Variants in PRPF40B observed in about 807,000 individuals in gnomAD.
PRPF40B encodes the protein pre-mRNA-processing factor 40 homolog B.
PRPF40B carries 56 observed loss-of-function variants against 124.5 expected under a neutral mutation model. The ratio of observed to expected loss-of-function variants is 0.45; its 90% CI spans 0.36 to 0.56. PRPF40B has a LOEUF of 0.56. Ranked by LOEUF, PRPF40B falls within the 20% of genes least tolerant of loss-of-function variation. The probability of loss-of-function intolerance (pLI) is 0.00; values close to 1 mark genes in which losing one functional copy is unlikely to be tolerated. For synonymous variants in PRPF40B, 443 were observed against 426.4 expected (o/e 1.04, Z -0.48); for missense variants, 1,053 against 1,169.5 (o/e 0.90, Z 1.45).
chr12:49,639,485 G>GAGA (rs1271392872), intron 18 of PRPF40B: 1 of 152,376 alleles, frequency 6.6e-6, no homozygotes, highest in Non-Finnish European at 1.5e-5. Context: ...GACAGCAGAA[G>GAGA]AGAGCAGGCT....
intron 6 of PRPF40B, 40 bp downstream of exon 6, chr12:49,632,920 TGA>T (rs771622936): frequency 6.2e-7 from 1 of 1,612,828 alleles, no homozygotes; most frequent in South Asian, 1.1e-5. Flanking sequence ...GTAGAAAGCC[TGA>T]GAGTGGGGGA....
chr12:49,643,150 C>T, intron 22 of PRPF40B, 73 bp from the exon 23 acceptor site: 2 of 1,596,202 alleles, frequency 1.3e-6, no homozygotes, highest in Non-Finnish European at 1.7e-6. Flanking sequence ...CTCCTCCTCT[C>T]TCGAATTCCC....
At chr12:49,623,331 C>G (rs147118019), upstream of PRPF40B, 1 of 180,130 alleles carries the variant, frequency 5.6e-6, no homozygotes, top group African/African-American at 2.4e-5. Flanking sequence ...CGGGAGCAGG[C>G]GTGCCCCGCC....
Position 49,634,293 on chromosome 12 carries a change from G to C in PRPF40B, c.813-39G>C, listed in dbSNP as rs780476896. On this transcript the variant is annotated intron_variant, in intron 10 of 25. Coordinates refer to ENST00000548825, the MANE Select transcript of PRPF40B (RefSeq NM_001031698.3). ...GTTCAGGGCACTGAAAGCTGTGAGA[G>C]CTGGGGGACCCTGTGGCTGAGTCCC... 15 of 1,613,640 alleles carry C rather than the reference G, an allele frequency of 9.3e-6. No individual in the cohort carries two copies. In the African/African-American group the frequency reaches 2.0e-4, roughly 22 times the overall value.
At chr12:49,636,413 A>G in intron 15 of PRPF40B, 1 of 449,462 alleles carries the variant, frequency 2.2e-6, no homozygotes, top group Non-Finnish European at 4.0e-6. Flanking sequence ...AGCCTGATTG[A>G]TTCCCAGTTC....
At position 49,637,808 on chromosome 12, in the gene PRPF40B, T is replaced by C; in HGVS notation, c.1751T>C (p.Ile584Thr). 2.5e-6 allele frequency: 4 copies of C among 1,604,008 alleles called. No individual in the cohort carries two copies. In the South Asian group the frequency reaches 4.4e-5, roughly 18 times the overall value. Residue 584 changes from isoleucine (I) to threonine (T), a missense_variant, in exon 18 of 26, where the codon ATT becomes ACT. Around this residue, in one of 2 missense-constraint regions of PRPF40B, gnomAD observed 895 missense variants for 1,052.2 expected, o/e 0.85. Transcript: ENST00000548825. Reference sequence around the variant, plus strand: ...CGATTCCATGATGAAAAGAAGATCATTAAGGACATCCTTAAGGTGAGGGAG... The same window carrying C: ...CGATTCCATGATGAAAAGAAGATCACTAAGGACATCCTTAAGGTGAGGGAG... ...KARFHDEKKIIKDILKDRGFC... is the reference protein window; with the variant it reads ...KARFHDEKKITKDILKDRGFC...
At position 49,631,485 on chromosome 12, in the gene PRPF40B, C is replaced by G. The variant is rs1941219790; in HGVS notation, c.169C>G (p.Pro57Ala). The G allele has an allele frequency of 6.5e-7, 1 of 1,538,138 alleles. No individual in the cohort carries two copies. Among genetic ancestry groups the G allele is most frequent in the Non-Finnish European group, 8.7e-7 (1 of 1,148,018 alleles). The change falls in exon 3 of 26, where the codon CCA (proline) becomes GCA (alanine). Residue 57 changes from proline (P) to alanine (A), a missense_variant. By Grantham distance (27) the Pro-to-Ala change is conservative (BLOSUM62 -1). Coordinates refer to ENST00000548825, the MANE Select transcript of PRPF40B (RefSeq NM_001031698.3). This position sits in a 1 kb window ranked among gnomAD's most constrained non-coding sequence, Gnocchi z 4.3. ...SQRPPAIPPM[P>A]PGILPPMLPP... ...GAGACCACCAGCTATCCCCCCCATGCCACCTGGCATCCTGCCCCCAATGCT... is the reference window on the plus strand; with the variant it reads ...GAGACCACCAGCTATCCCCCCCATGGCACCTGGCATCCTGCCCCCAATGCT...
At chr12:49,633,765 G>T in intron 9 of PRPF40B, 104 bp downstream of exon 9, 1 of 1,605,594 alleles carries the variant, frequency 6.2e-7, no homozygotes, top group Non-Finnish European at 8.5e-7. Context: ...AGCCAGCTCT[G>T]TCTCCTTGTG....
rs757596785 is a variant in PRPF40B at position 49,632,851 on chromosome 12, C to T, written c.323-4C>T. 15 of 1,613,888 alleles carry T rather than the reference C, an allele frequency of 9.3e-6. No homozygotes were observed. Among genetic ancestry groups the T allele is most frequent in the Non-Finnish European group, 1.3e-5 (15 of 1,180,018 alleles). ...TTAGTATGTATCCTTTGGCTTTTTT[C>T]TAGCTGCTGTGGCTGGGACAGGCCC... On this transcript the variant is annotated splice_region_variant and splice_polypyrimidine_tract_variant and intron_variant, in intron 5 of 25. Transcript: ENST00000548825.
intron 1 of PRPF40B, among the ~76,000 whole-genome samples, chr12:49,626,883 G>A (rs932523296): frequency 6.6e-6 from 1 of 152,130 alleles, no homozygotes; most frequent in Non-Finnish European, 1.5e-5. Flanking sequence ...AACCAGTGGT[G>A]GCTCCTTGGA....
chr12:49,632,836 T>C lies in PRPF40B; in HGVS notation c.323-19T>C. ...GGTCGGAGCAAGGACTTAGTATGTA[T>C]CCTTTGGCTTTTTTCTAGCTGCTGT... On this transcript the variant is annotated intron_variant, in intron 5 of 25. Coordinates refer to ENST00000548825, the MANE Select transcript of PRPF40B (RefSeq NM_001031698.3). 1 of 1,613,888 alleles carries C rather than the reference T, an allele frequency of 6.2e-7. No homozygotes were observed. The highest frequency in any genetic ancestry group is 8.5e-7 in the Non-Finnish European group (1 of 1,180,008).
chr12:49,632,996 G>GGGGGGGCGCC lies in PRPF40B; in HGVS notation c.349-18_349-17insGGGGGGCGCC. 1 of 1,147,398 alleles carries GGGGGGGCGCC rather than the reference G, an allele frequency of 8.7e-7. No homozygotes were observed. Among genetic ancestry groups the GGGGGGGCGCC allele is most frequent in the Non-Finnish European group, 1.2e-6 (1 of 823,012 alleles). The allele number at this position is 1,147,398 out of a possible 1,614,324, so 71.1% of individuals were successfully genotyped here. A position where few individuals can be genotyped will look rare whatever the true frequency, so the allele number is the denominator to read the frequency against. On this transcript the variant is annotated splice_polypyrimidine_tract_variant and intron_variant, in intron 6 of 25. Transcript: ENST00000548825. ...AAAGGGGCCTTGACCACCATTCTGT[G>GGGGGGGCGCC]CCCCCCCCCCCACCCAGAGGGCCCT...
In PRPF40B at chr12:49,642,788, G is replaced by C. The variant is rs988199654; in HGVS notation, c.2118+113G>C. ...CCTTAGGGCACTCCTGGCCAGCTAA[G>C]GAAGGGGAGGCCTGAGGATCCCTGG... On this transcript the variant is annotated intron_variant, in intron 21 of 25. Transcript: ENST00000548825. This position sits in a 1 kb window ranked among gnomAD's most constrained non-coding sequence, Gnocchi z 5.8. 127 of 1,433,382 alleles carry C rather than the reference G, an allele frequency of 8.9e-5. No homozygotes were observed. In the African/African-American group the frequency reaches 1.6e-3, roughly 18 times the overall value. 88.8% of individuals were successfully genotyped at this position (1,433,382 alleles called of 1,614,324 possible).
Position 49,643,043 on chromosome 12 carries a change from G to A in PRPF40B, c.2205+27G>A, listed in dbSNP as rs748856142. 6.8e-6 allele frequency: 11 copies of A among 1,608,898 alleles called. No individual in the cohort carries two copies. In the South Asian group the frequency reaches 1.2e-4, roughly 18 times the overall value. ...TGAGTAAGCGTGTAGAAGGGACATG[G>A]GGTGAAGCTGGGTTGTTTTGGGGAA... On this transcript the variant is annotated intron_variant, in intron 22 of 25. Coordinates refer to ENST00000548825, the MANE Select transcript of PRPF40B (RefSeq NM_001031698.3).
intron 18 of PRPF40B, chr12:49,640,489 C>T (rs1227578830): frequency 6.6e-6 from 1 of 152,162 alleles, no homozygotes; most frequent in Non-Finnish European, 1.5e-5. Context: ...TGAGTGAGGA[C>T]AAAGAAGGCG....
rs763331805 is a variant in PRPF40B at position 49,633,903 on chromosome 12, T to TGCCACAGACACTTCA, written c.631_645dup (p.Thr211_Gln215dup). On this transcript the variant is annotated inframe_insertion, in exon 10 of 26. Coordinates refer to ENST00000548825, the MANE Select transcript of PRPF40B (RefSeq NM_001031698.3). The stretch of plus-strand genomic sequence containing the variant: ...ATCTGCAGGAAACAGCAGCAGCAGC[T>TGCCACAGACACTTCA]GCCACAGACACTTCAGCCACAGCCA... 2 of 1,614,106 alleles carry TGCCACAGACACTTCA rather than the reference T, an allele frequency of 1.2e-6. No individual in the cohort carries two copies. Among genetic ancestry groups the TGCCACAGACACTTCA allele is most frequent in the Non-Finnish European group, 1.7e-6 (2 of 1,180,006 alleles).
At chr12:49,638,134 A>C (rs900323951) in intron 18 of PRPF40B, 1 of 344,014 alleles carries the variant, frequency 2.9e-6, no homozygotes, top group Non-Finnish European at 5.4e-6. Flanking sequence ...AAGAGGTTGG[A>C]GTGTACACGG....
In PRPF40B at chr12:49,634,391, C is replaced by A. The variant is rs1306879982; in HGVS notation, c.872C>A (p.Ser291Tyr). ...GAATCAAAGCCAGAACCAGAGAGGT[C>A]TGGCCTCAGTTGGAGCAACCGGGAG... Reference protein sequence around the residue: ...EEESKPEPERSGLSWSNREKA... With the variant: ...EEESKPEPERYGLSWSNREKA... Residue 291 changes from serine to tyrosine, a missense_variant, in exon 11 of 26, where the codon TCT becomes TAT. Ser to Tyr is a moderately radical substitution (Grantham distance 144). Transcript: ENST00000548825. 6.2e-7 allele frequency: 1 copy of A among 1,614,108 alleles called. No individual in the cohort carries two copies. Among genetic ancestry groups the A allele is most frequent in the African/African-American group, 1.3e-5 (1 of 74,946 alleles).
At chr12:49,641,819 T>C in intron 18 of PRPF40B, 89 bp from the exon 19 acceptor site, 1 of 1,095,910 alleles carries the variant, frequency 9.1e-7, no homozygotes, top group South Asian at 1.3e-5. Context: ...GCAAGGGCCT[T>C]CTTGACCATC....
Sources: gnomAD v4.1 joint callset for allele counts (sites outside exome capture counted in the v4.1 genomes callset) on GRCh38, gnomAD v4.1.1 for gene constraint, gnomAD v4.1.1 regional missense constraint, Gnocchi (gnomAD v3.1) non-coding constraint, MANE v1.5 for transcripts, NCBI Gene and HGNC (gene_info 2026-07-23, HGNC 2026-07-21) for gene names.